The following JOSD1 variants were observed in gnomAD, a reference collection of about 807,000 sequenced individuals.
JOSD1 encodes the protein josephin-1.
A neutral mutation model predicts 24.3 loss-of-function variants in JOSD1; 11 were observed. The observed-to-expected ratio is 0.45, with a 90% CI of 0.29 to 0.75. The LOEUF (loss-of-function observed/expected upper bound fraction) is 0.75. Among genes scored for constraint, JOSD1 ranks in the 30% least tolerant of loss-of-function variants. The pLI, the probability that JOSD1 is intolerant of heterozygous loss-of-function variation, is 0.11. For missense variants in JOSD1, 184 were observed against 253.5 expected, an observed-to-expected ratio of 0.73 and a Z score of 1.86; for synonymous variants, 106 against 93.8, an observed-to-expected ratio of 1.13 and a Z score of -0.75.
At chr22:38,689,202 T>TGGTA in intron 3 of JOSD1, 73 bp from the exon 4 acceptor site, 1 of 1,601,506 alleles carries the variant, frequency 6.2e-7, no homozygotes, top group Non-Finnish European at 8.5e-7. Flanking sequence ...ATACCACAAC[T>TGGTA]GGCTACCTCC....
At position 38,687,881 on chromosome 22, in the gene JOSD1, G is replaced by A. The variant is rs1361565738; in HGVS notation, c.*21C>T. 8 of 1,549,260 alleles carry A rather than the reference G, an allele frequency of 5.2e-6. No homozygotes were observed. Among genetic ancestry groups the A allele is most frequent in the African/African-American group, 1.4e-5 (1 of 73,566 alleles). On this transcript the variant is annotated 3_prime_UTR_variant, in exon 5 of 5. Coordinates refer to ENST00000683374, the MANE Select transcript of JOSD1 (RefSeq NM_001360236.2). ...CAGAGGACTGAAGGGGCTGAGGCGA[G>A]AGGGAGGTTGGGCAGAACTGTTACA... is the stretch of plus-strand genomic sequence containing the variant.
Position 38,689,427 on chromosome 22 carries a change from A to T in JOSD1, c.186-3T>A, listed in dbSNP as rs1395194847. ...TCACCATGGTGTTTGGAGACAACCT[A>T]CCAATGTGAAAAGAGGAGGGCTGAG... On this transcript the variant is annotated splice_polypyrimidine_tract_variant and splice_region_variant and intron_variant, in intron 2 of 4. Coordinates refer to ENST00000683374, the MANE Select transcript of JOSD1 (RefSeq NM_001360236.2). 1 of 1,614,052 alleles carries T rather than the reference A, an allele frequency of 6.2e-7. No homozygotes were observed. Among genetic ancestry groups the T allele is most frequent in the African/African-American group, 1.3e-5 (1 of 74,938 alleles).
At chr22:38,697,638 A>C (rs926804065) in intron 2 of JOSD1, among the ~76,000 whole-genome samples, 3 of 152,212 alleles carry the variant, frequency 2.0e-5, no homozygotes, top group Non-Finnish European at 4.4e-5. Context: ...GAAACAGGAG[A>C]GCGGTTAGCG....
intron 2 of JOSD1, among the ~76,000 whole-genome samples, chr22:38,698,512 T>C (rs914369782): frequency 4.1e-4 from 62 of 152,158 alleles, no homozygotes; most frequent in African/African-American, 1.5e-3. Flanking sequence ...CAATTTCACT[T>C]CCAAGCTAAG....
At chr22:38,693,725 C>A (rs2145811332) in intron 2 of JOSD1, among the ~76,000 whole-genome samples, 1 of 152,316 alleles carries the variant, frequency 6.6e-6, no homozygotes, top group South Asian at 2.1e-4. Context: ...CTGTGCCCAG[C>A]AGCCTCTATT....
At chr22:38,701,019 C>A (rs1322250587), upstream of JOSD1, 7 of 974,608 alleles carry the variant, frequency 7.2e-6, no homozygotes, top group Non-Finnish European at 7.3e-6. Context: ...AACGCCCTCC[C>A]GCGCCGTCCT....
chr22:38,695,592 G>C (rs1038406597), intron 2 of JOSD1, among the ~76,000 whole-genome samples: 1 of 151,804 alleles, frequency 6.6e-6, no homozygotes, highest in Non-Finnish European at 1.5e-5. Flanking sequence ...GACTACAGGC[G>C]CGAGCCCCCA....
At position 38,699,857 on chromosome 22, in the gene JOSD1, A is replaced by T; in HGVS notation, c.131T>A (p.Val44Asp). The T allele has an allele frequency of 6.2e-7, 1 of 1,614,170 alleles. No homozygotes were observed. Among genetic ancestry groups the T allele is most frequent in the Non-Finnish European group, 8.5e-7 (1 of 1,180,006 alleles). ...ELCALHALNNVFQDSNAFTRD... is the reference protein window; with the variant it reads ...ELCALHALNNDFQDSNAFTRD... ...GGTGAAGGCATTGCTGTCCTGGAAG[A>T]CGTTATTGAGGGCGTGGAGGGCACA... is the stretch of plus-strand genomic sequence containing the variant. Residue 44 changes from valine (V) to aspartate (D), a missense_variant, in exon 2 of 5, where the codon GTC becomes GAC. Val to Asp is a radical substitution (Grantham distance 152, BLOSUM62 -3). Coordinates refer to ENST00000683374, the MANE Select transcript of JOSD1 (RefSeq NM_001360236.2).
rs1569267456 is a variant in JOSD1, at chr22:38,699,825, T to A, written c.163A>T (p.Thr55Ser). Residue 55 changes from threonine (T) to serine (S), a missense_variant, in exon 2 of 5, where the codon ACG becomes TCG. Physicochemically the swap from Thr to Ser is moderately conservative, Grantham distance 58. Transcript: ENST00000683374. ...FQDSNAFTRD[T>S]LQEIFQRLSP... The stretch of plus-strand genomic sequence containing the variant: ...TACCTCTGGAAAATCTCTTGCAGCG[T>A]ATCCCGGGTGAAGGCATTGCTGTCC... The A allele has an allele frequency of 6.2e-7, 1 of 1,614,172 alleles. No individual in the cohort carries two copies. The highest frequency in any genetic ancestry group is 8.5e-7 in the Non-Finnish European group (1 of 1,180,022).
At chr22:38,699,355 C>T (rs1317676052) in intron 2 of JOSD1, among the ~76,000 whole-genome samples, 6 of 152,198 alleles carry the variant, frequency 3.9e-5, no homozygotes, top group Non-Finnish European at 5.9e-5. Context: ...CCTTTAAAGA[C>T]AGGTGACTGA....
chr22:38,688,929 G>C lies in JOSD1; in HGVS notation c.509+6C>G, dbSNP rs753276731. On this transcript the variant is annotated splice_donor_region_variant and intron_variant, in intron 4 of 4. Coordinates refer to ENST00000683374, the MANE Select transcript of JOSD1 (RefSeq NM_001360236.2). ...TAGCAACTTAGTCACAAAAGGTGCC[G>C]ATTACCTGAGCTCGCTCTCGCCTCC... 1.2e-6 allele frequency: 2 copies of C among 1,610,038 alleles called. No homozygotes were observed. Among genetic ancestry groups the C allele is most frequent in the Admixed American group, 3.3e-5 (2 of 59,750 alleles).
chr22:38,700,048 A>C lies in JOSD1; in HGVS notation c.-61T>G, dbSNP rs1048940294. ...ACCCCACTCTTCCCTCTAGAGGAAGAATGTAAGCTTCTCAGTCTTTTCCGG... is the reference window on the plus strand; with the variant it reads ...ACCCCACTCTTCCCTCTAGAGGAAGCATGTAAGCTTCTCAGTCTTTTCCGG... On this transcript the variant is annotated 5_prime_UTR_variant, in exon 2 of 5. The change creates a new upstream start codon in the 5' untranslated region. Coordinates refer to ENST00000683374, the MANE Select transcript of JOSD1 (RefSeq NM_001360236.2). The C allele has an allele frequency of 6.6e-7, 1 of 1,516,168 alleles. No individual in the cohort carries two copies. The highest frequency in any genetic ancestry group is 1.4e-5 in the African/African-American group (1 of 71,370). 93.9% of individuals were successfully genotyped at this position (1,516,168 alleles called of 1,614,324 possible). A position where few individuals can be genotyped will look rare whatever the true frequency, so the allele number is the denominator to read the frequency against.
Position 38,689,267 on chromosome 22 carries a change from T to C in JOSD1, c.314+29A>G, listed in dbSNP as rs746007812. On this transcript the variant is annotated intron_variant, in intron 3 of 4. Transcript: ENST00000683374. ...AGCTTATACCACAACCGTGCTGTTC[T>C]CCATCAAGTCAAGCCTGATTCAGAT... 25 of 1,614,122 alleles carry C rather than the reference T, an allele frequency of 1.5e-5. No homozygotes were observed. In the South Asian group the frequency reaches 2.7e-4, roughly 18 times the overall value.
upstream of JOSD1, chr22:38,701,021 C>T: frequency 1.0e-6 from 1 of 972,034 alleles, no homozygotes; most frequent in Non-Finnish European, 1.2e-6. Context: ...CGCCCTCCCG[C>T]GCCGTCCTCA....
chr22:38,694,029 C>T (rs2092534428), intron 2 of JOSD1, among the ~76,000 whole-genome samples: 1 of 152,166 alleles, frequency 6.6e-6, no homozygotes, highest in Non-Finnish European at 1.5e-5. Context: ...TACTCTATAT[C>T]CCTCACAGCT....
At chr22:38,696,920 T>G (rs2092548460) in intron 2 of JOSD1, among the ~76,000 whole-genome samples, 5 of 152,220 alleles carry the variant, frequency 3.3e-5, no homozygotes, top group Admixed American at 3.3e-4. Flanking sequence ...ATAGTGCTTA[T>G]CAACATTTCC....
At chr22:38,699,091 TGGGTAAGAAA>T (rs2092556925) in intron 2 of JOSD1, among the ~76,000 whole-genome samples, 1 of 152,210 alleles carries the variant, frequency 6.6e-6, no homozygotes, top group East Asian at 1.9e-4. Context: ...TTGTTCTAAG[TGGGTAAGAAA>T]GGCCATCTAG....
intron 2 of JOSD1, among the ~76,000 whole-genome samples, chr22:38,689,857 A>G (rs2092513920): frequency 6.6e-6 from 1 of 151,830 alleles, no homozygotes; most frequent in South Asian, 2.1e-4. Flanking sequence ...GGTTGGATAT[A>G]AGGCAATAAA....
At chr22:38,691,573 C>T (rs2092522443) in intron 2 of JOSD1, among the ~76,000 whole-genome samples, 1 of 152,202 alleles carries the variant, frequency 6.6e-6, no homozygotes, top group African/African-American at 2.4e-5. Flanking sequence ...CTTTTTCTCA[C>T]TGTGCACTCA....
Sources: allele counts gnomAD v4.1 joint callset (sites outside exome capture counted in the v4.1 genomes callset), GRCh38; gene constraint gnomAD v4.1.1; transcripts MANE v1.5; gene names NCBI Gene and HGNC (gene_info 2026-07-23, HGNC 2026-07-21).